IGSF21: variants seen among roughly 807,000 people sequenced by gnomAD.
The protein encoded by IGSF21 is immunoglobulin superfamily member 21.
In IGSF21, 28 loss-of-function variants were observed where a neutral mutation model predicts 46.8. The ratio of observed to expected loss-of-function variants is 0.60; its 90% CI spans 0.44 to 0.82. The LOEUF (loss-of-function observed/expected upper bound fraction) is 0.82, where lower values mean the gene tolerates loss of function less well. IGSF21 is among the 40% of genes least tolerant of loss of function. The pLI, the probability that IGSF21 is intolerant of heterozygous loss-of-function variation, is 0.00. For synonymous variants in IGSF21, 284 were observed against 273.6 expected (o/e 1.04, Z -0.38); for missense variants, 624 against 665.5 (o/e 0.94, Z 0.69).
chr1:18,221,178 T>C (rs2084506884), intron 1 of IGSF21, among the ~76,000 whole-genome samples: 1 of 152,068 alleles, frequency 6.6e-6, no homozygotes, highest in South Asian at 2.1e-4. Context: ...TTACCCCTAT[T>C]ATCCAAATAG....
rs370907358 is a variant in IGSF21 at position 18,143,806 on chromosome 1, T to C, written c.70+35608T>C. 3.3e-5 allele frequency among the ~76,000 whole-genome samples: 5 copies of C among 152,164 alleles called. No homozygotes were observed. The South Asian group carries it at 1.0e-3, about 32-fold the overall frequency. ...AGTCCCTTCTCTGGGCGAGGTCTTG[T>C]CTTTCTGTTTAGGTGGGAGCTCTTA... On this transcript the variant is annotated intron_variant, in intron 1 of 9. Coordinates refer to ENST00000251296, the MANE Select transcript of IGSF21 (RefSeq NM_032880.5).
intron 2 of IGSF21, among the ~76,000 whole-genome samples, chr1:18,242,837 G>A (rs1424719354): frequency 6.6e-6 from 1 of 152,206 alleles, no homozygotes. Flanking sequence ...ACCTTGGCAG[G>A]GCCTTGGCTG....
intron 1 of IGSF21, among the ~76,000 whole-genome samples, chr1:18,180,703 C>G (rs1375318211): frequency 6.6e-6 from 1 of 152,210 alleles, no homozygotes; most frequent in African/African-American, 2.4e-5. Flanking sequence ...ATAGCTCATA[C>G]TTACTTATAC....
At chr1:18,295,063 G>A (rs759398246) in intron 3 of IGSF21, among the ~76,000 whole-genome samples, 1 of 152,180 alleles carries the variant, frequency 6.6e-6, no homozygotes, top group Non-Finnish European at 1.5e-5. Context: ...GAGCAATTTC[G>A]CGGGTAGCCT....
chr1:18,258,375 T>C (rs907384914), intron 2 of IGSF21, among the ~76,000 whole-genome samples: 7 of 152,200 alleles, frequency 4.6e-5, no homozygotes, highest in Admixed American at 1.3e-4. Flanking sequence ...TAACCACCAA[T>C]GGTAAGGTGG....
chr1:18,321,337 TGAAA>T (rs940515848), intron 3 of IGSF21, among the ~76,000 whole-genome samples: 12 of 152,318 alleles, frequency 7.9e-5, no homozygotes, highest in Admixed American at 2.0e-4. Flanking sequence ...CTCTCCAGCC[TGAAA>T]GAGTTTGTTT....
At chr1:18,253,490 AC>A (rs1228473483) in intron 2 of IGSF21, among the ~76,000 whole-genome samples, 3 of 151,982 alleles carry the variant, frequency 2.0e-5, no homozygotes, top group Non-Finnish European at 4.4e-5. Flanking sequence ...TGCCCAGAGA[AC>A]CCCCAGGCTG....
chr1:18,181,000 C>T (rs2086851799), intron 1 of IGSF21, among the ~76,000 whole-genome samples: 1 of 152,212 alleles, frequency 6.6e-6, no homozygotes, highest in African/African-American at 2.4e-5. Flanking sequence ...CAGTCTCCCC[C>T]TCTGTAAAGG....
At chr1:18,122,991 T>C (rs976166419) in intron 1 of IGSF21, among the ~76,000 whole-genome samples, 1 of 152,188 alleles carries the variant, frequency 6.6e-6, no homozygotes, top group Non-Finnish European at 1.5e-5. Flanking sequence ...GAAGCTTCTC[T>C]CATACCATCT....
chr1:18,315,150 C>G (rs2085527983), intron 3 of IGSF21, among the ~76,000 whole-genome samples: 1 of 152,064 alleles, frequency 6.6e-6, no homozygotes, highest in Admixed American at 6.5e-5. Flanking sequence ...CAGTGGAGAG[C>G]ATTTCCACGG....
At chr1:18,232,889 G>A (rs1453301904) in intron 2 of IGSF21, among the ~76,000 whole-genome samples, 4 of 152,198 alleles carry the variant, frequency 2.6e-5, no homozygotes, top group African/African-American at 9.7e-5. Context: ...TTGGTCAGGG[G>A]GTGGGGAGTG....
At chr1:18,318,065 C>A (rs1029964466) in intron 3 of IGSF21, among the ~76,000 whole-genome samples, 7 of 152,158 alleles carry the variant, frequency 4.6e-5, no homozygotes, top group African/African-American at 1.4e-4. Flanking sequence ...AGGTTCCCTG[C>A]AAAATGAAAG....
At chr1:18,288,337 G>A (rs1557626259) in intron 2 of IGSF21, among the ~76,000 whole-genome samples, 1 of 152,196 alleles carries the variant, frequency 6.6e-6, no homozygotes, top group Non-Finnish European at 1.5e-5. Context: ...CTTCAGAAGT[G>A]TCAGAACATC....
intron 5 of IGSF21, among the ~76,000 whole-genome samples, chr1:18,364,256 G>A (rs1189010414): frequency 3.3e-5 from 5 of 151,988 alleles, no homozygotes; most frequent in Non-Finnish European, 5.9e-5. Flanking sequence ...TGCATTTAAA[G>A]CACTTTTCAA....
chr1:18,236,414 A>G (rs1388195105), intron 2 of IGSF21, among the ~76,000 whole-genome samples: 1 of 152,224 alleles, frequency 6.6e-6, no homozygotes, highest in Non-Finnish European at 1.5e-5. Context: ...TAAATTACCC[A>G]GTCCCAGGTT....
intron 1 of IGSF21, chr1:18,110,163 G>T (rs3820277): frequency 0.56 from 84,959 of 152,250 alleles, 23,943 homozygotes; most frequent in South Asian, 0.71. Context: ...AGCCAGCGCG[G>T]CCTCGGAGCT....
Position 18,359,389 on chromosome 1 carries a change from A to AAGAAT in IGSF21, c.425-2726_425-2725insAGAAT, listed in dbSNP as rs1557659666. 1.1e-4 allele frequency among the ~76,000 whole-genome samples: 9 copies of AAGAAT among 85,714 alleles called. 1 individual carries two copies. The highest frequency in any genetic ancestry group is 4.0e-4 in the African/African-American group (9 of 22,648). The allele number at this position is 85,714 out of a possible 152,430, so 56.2% of individuals were successfully genotyped here. On this transcript the variant is annotated intron_variant, in intron 4 of 9. Coordinates refer to ENST00000251296, the MANE Select transcript of IGSF21 (RefSeq NM_032880.5). ...AAGAAAGAAAGAAAGAAAGAAAGGA[A>AAGAAT]GGAAGGAAGGAAGGAAGGAAGGAAG...
chr1:18,186,046 A>G (rs1386243137), intron 1 of IGSF21, among the ~76,000 whole-genome samples: 3 of 152,222 alleles, frequency 2.0e-5, no homozygotes, highest in Non-Finnish European at 4.4e-5. Context: ...GGATGGCAAC[A>G]TAAGTGTGAG....
rs371382258 is a variant in IGSF21 at position 18,226,853 on chromosome 1, C to T, written c.71-1045C>T. Among the ~76,000 whole-genome samples, 9 of 152,304 alleles carry T rather than the reference C, an allele frequency of 5.9e-5. 1 individual carries two copies. Among genetic ancestry groups the T allele is most frequent in the East Asian group, 5.8e-4 (3 of 5,166 alleles). On this transcript the variant is annotated intron_variant, in intron 1 of 9. Coordinates refer to ENST00000251296, the MANE Select transcript of IGSF21 (RefSeq NM_032880.5). ...GACTGGACATCAGCCGGCAGGAAGCCGATCAGATGAGCCTGGATGATCAGC... is the reference window on the plus strand; with the variant it reads ...GACTGGACATCAGCCGGCAGGAAGCTGATCAGATGAGCCTGGATGATCAGC...
Sources: allele counts gnomAD v4.1 joint callset (sites outside exome capture counted in the v4.1 genomes callset), GRCh38; gene constraint gnomAD v4.1.1; transcripts MANE v1.5; gene names NCBI Gene and HGNC (gene_info 2026-07-23, HGNC 2026-07-21).